MCPH1: variants seen among roughly 807,000 people sequenced by gnomAD.
MCPH1 encodes microcephalin 1.
MCPH1 carries 104 observed loss-of-function variants against 84.5 expected under a neutral mutation model. That is an observed-to-expected ratio of 1.23 (90% CI 1.05 to 1.45). The LOEUF is 1.45. Ranked by LOEUF, MCPH1 falls within the 40% of genes most tolerant of loss-of-function variation. MCPH1 has a pLI of 0.00. For synonymous variants in MCPH1, 514 were observed against 366.8 expected (o/e 1.40, Z -4.58); for missense variants, 1,498 against 1,005.7 (o/e 1.49, Z -6.62).
At chr8:6,494,351 T>A (rs775956885) in intron 11 of MCPH1, 1 of 152,254 alleles carries the variant, frequency 6.6e-6, no homozygotes, top group African/African-American at 2.4e-5. Context: ...CTTCTATAGC[T>A]GTAAACCTTG....
At position 6,480,926 on chromosome 8, in the gene MCPH1, A is replaced by G. The variant is rs368727514; in HGVS notation, c.2136+50A>G. The G allele has an allele frequency of 4.0e-5, 64 of 1,602,166 alleles. No homozygotes were observed. In the African/African-American group the frequency reaches 8.0e-4, roughly 20 times the overall value. On this transcript the variant is annotated intron_variant, in intron 11 of 13. Transcript: ENST00000344683. The stretch of plus-strand genomic sequence containing the variant: ...ATTTTAAAACAAGGCATTTTGATAG[A>G]GTGGGTCACCCTGAGGTGCCGACAT...
intron 12 of MCPH1, among the ~76,000 whole-genome samples, chr8:6,518,455 T>A (rs145129831): frequency 6.6e-6 from 1 of 152,334 alleles, no homozygotes; most frequent in East Asian, 1.9e-4. Flanking sequence ...ATTAACTAAT[T>A]TTCAGGGTTG....
Position 6,505,285 on chromosome 8 carries a change from T to TATATTC in MCPH1, c.2214+5356_2214+5357insATATTC, listed in dbSNP as rs1563305563. 3.8e-5 allele frequency among the ~76,000 whole-genome samples: 4 copies of TATATTC among 105,298 alleles called. 1 individual carries two copies. The highest frequency in any genetic ancestry group is 2.0e-4 in the African/African-American group (4 of 19,704). The allele number at this position is 105,298 out of a possible 152,430, so 69.1% of individuals were successfully genotyped here. A position where few individuals can be genotyped will look rare whatever the true frequency, so the allele number is the denominator to read the frequency against. The stretch of plus-strand genomic sequence containing the variant: ...TTTTATATATATGTATACATATATA[T>TATATTC]GTTATATACATATATATGTATATAA... On this transcript the variant is annotated intron_variant, in intron 12 of 13. Coordinates refer to ENST00000344683, the MANE Select transcript of MCPH1 (RefSeq NM_024596.5).
chr8:6,510,309 C>G (rs1401779855), intron 12 of MCPH1, among the ~76,000 whole-genome samples: 2 of 152,098 alleles, frequency 1.3e-5, no homozygotes, highest in African/African-American at 4.8e-5. Context: ...GATGGAGAAA[C>G]AGGCACACGA....
chr8:6,498,991 G>A (rs1428393112), intron 11 of MCPH1, among the ~76,000 whole-genome samples: 2 of 152,032 alleles, frequency 1.3e-5, no homozygotes, highest in African/African-American at 4.8e-5. Context: ...GGTGGAGGTT[G>A]CAGTGAGCTG....
chr8:6,521,014 A>G (rs1817233614), intron 12 of MCPH1, among the ~76,000 whole-genome samples: 1 of 149,276 alleles, frequency 6.7e-6, no homozygotes, highest in Non-Finnish European at 1.5e-5. Context: ...TTAGTATAAC[A>G]TATATTTCCC....
intron 3 of MCPH1, among the ~76,000 whole-genome samples, chr8:6,424,243 A>C (rs920450745): frequency 6.6e-6 from 1 of 152,100 alleles, no homozygotes; most frequent in East Asian, 1.9e-4. Context: ...CTTGGCCCCC[A>C]CTCTAAGTTC....
At position 6,445,355 on chromosome 8, in the gene MCPH1, T is replaced by C; in HGVS notation, c.1633T>C (p.Leu545=). 1.2e-6 allele frequency: 2 copies of C among 1,614,224 alleles called. No individual in the cohort carries two copies. Among genetic ancestry groups the C allele is most frequent in the East Asian group, 2.2e-5 (1 of 44,880 alleles). Residue 545 remains leucine (L), a synonymous_variant, in exon 8 of 14, where the codon TTG becomes CTG. Coordinates refer to ENST00000344683, the MANE Select transcript of MCPH1 (RefSeq NM_024596.5). ...PKGHDDDLTP[L]EGSLEEMKEA... The stretch of plus-strand genomic sequence containing the variant: ...AGGACATGATGATGATTTAACTCCT[T>C]TGGAAGGAAGCCTTGAAGAAATGAA...
At chr8:6,637,865 G>A (rs1434312336) in intron 13 of MCPH1, among the ~76,000 whole-genome samples, 2 of 152,138 alleles carry the variant, frequency 1.3e-5, no homozygotes, top group Non-Finnish European at 2.9e-5. Context: ...CGATGGAGGT[G>A]TTGTGAAGTT....
chr8:6,478,661 C>T (rs559213071), intron 10 of MCPH1, among the ~76,000 whole-genome samples: 2 of 152,326 alleles, frequency 1.3e-5, no homozygotes, highest in East Asian at 1.9e-4. Flanking sequence ...CTTACTGGCA[C>T]ATCCAGCAAG....
chr8:6,585,487 G>T (rs1324372360), intron 12 of MCPH1, among the ~76,000 whole-genome samples: 1 of 152,222 alleles, frequency 6.6e-6, no homozygotes, highest in African/African-American at 2.4e-5. Context: ...AGCCATTGTC[G>T]GCCGCCTCGA....
At chr8:6,639,767 C>T (rs1245900784) in intron 13 of MCPH1, among the ~76,000 whole-genome samples, 1 of 151,630 alleles carries the variant, frequency 6.6e-6, no homozygotes, top group Non-Finnish European at 1.5e-5. Context: ...CATGCTTTTT[C>T]AGGAGCTTTT....
intron 11 of MCPH1, among the ~76,000 whole-genome samples, chr8:6,498,537 A>G (rs551154266): frequency 2.0e-5 from 3 of 152,332 alleles, no homozygotes; most frequent in South Asian, 2.1e-4. Context: ...AGAAACGGCT[A>G]AATTTAGAGG....
intron 8 of MCPH1, among the ~76,000 whole-genome samples, chr8:6,453,284 T>G (rs1039990727): frequency 3.3e-5 from 5 of 151,238 alleles, no homozygotes; most frequent in African/African-American, 1.2e-4. Context: ...TAAAACCCAC[T>G]GGCAAATTAG....
chr8:6,466,249 G>T (rs1171897154), intron 9 of MCPH1, among the ~76,000 whole-genome samples: 1 of 148,952 alleles, frequency 6.7e-6, no homozygotes, highest in African/African-American at 2.5e-5. Flanking sequence ...TGATTCTCCT[G>T]CCTCAGCCTC....
chr8:6,607,559 T>C (rs551649680), intron 12 of MCPH1, among the ~76,000 whole-genome samples: 69 of 152,348 alleles, frequency 4.5e-4, no homozygotes, highest in African/African-American at 1.6e-3. Flanking sequence ...GGTTTGGCTG[T>C]GTCCCTACTC....
At chr8:6,425,048 T>G (rs1322546065) in intron 3 of MCPH1, among the ~76,000 whole-genome samples, 1 of 152,194 alleles carries the variant, frequency 6.6e-6, no homozygotes, top group Admixed American at 6.5e-5. Flanking sequence ...GAATGCAGGA[T>G]TGGCCCAGGT....
chr8:6,602,230 C>G lies in MCPH1; in HGVS notation c.2215-19224C>G, dbSNP rs370382492. ...AGGAGGGAGGCAACAAGGGGCCAGC[C>G]CGTGGGGAGCCTTAAGCACCAAGAG... On this transcript the variant is annotated intron_variant, in intron 12 of 13. Coordinates refer to ENST00000344683, the MANE Select transcript of MCPH1 (RefSeq NM_024596.5). Among the ~76,000 whole-genome samples the G allele has an allele frequency of 3.6e-3, 547 of 152,306 alleles. 7 individuals carry two copies. The highest frequency in any genetic ancestry group is 0.013 in the African/African-American group (533 of 41,554).
chr8:6,539,518 G>A (rs941633382), intron 12 of MCPH1, among the ~76,000 whole-genome samples: 2 of 152,044 alleles, frequency 1.3e-5, no homozygotes, highest in African/African-American at 4.8e-5. Context: ...GCCCACATAG[G>A]GTCTTTTAAG....
Sources: allele counts gnomAD v4.1 joint callset (sites outside exome capture counted in the v4.1 genomes callset), GRCh38; gene constraint gnomAD v4.1.1; transcripts MANE v1.5; gene names NCBI Gene and HGNC (gene_info 2026-07-23, HGNC 2026-07-21).